The following FYCO1 variants were observed in gnomAD, a reference collection of about 807,000 sequenced individuals.
FYCO1 encodes the protein FYVE and coiled-coil domain-containing protein 1.
FYCO1 carries 122 observed loss-of-function variants against 165.1 expected under a neutral mutation model. The observed-to-expected ratio is 0.74, with a 90% CI of 0.64 to 0.86. The LOEUF (loss-of-function observed/expected upper bound fraction) is 0.86, where lower values mean the gene tolerates loss of function less well. FYCO1 is among the 40% of genes least tolerant of loss of function. The probability of loss-of-function intolerance (pLI) is 0.00; values close to 1 mark genes in which losing one functional copy is unlikely to be tolerated. For missense variants in FYCO1, 1,702 were observed against 1,810.3 expected, an observed-to-expected ratio of 0.94 and a Z score of 1.09; for synonymous variants, 648 against 742.5, an observed-to-expected ratio of 0.87 and a Z score of 2.07.
intron 1 of FYCO1, among the ~76,000 whole-genome samples, chr3:45,992,146 T>C (rs940129340): frequency 6.6e-6 from 1 of 152,226 alleles, no homozygotes; most frequent in African/African-American, 2.4e-5. Context: ...GGTATTTTGT[T>C]ATGGCAGCCC....
In FYCO1 at chr3:45,964,798, A is replaced by C. The variant is rs931620547; in HGVS notation, c.3150+235T>G. On this transcript the variant is annotated intron_variant, in intron 9 of 17. Coordinates refer to ENST00000296137, the MANE Select transcript of FYCO1 (RefSeq NM_024513.4). This position sits in a 1 kb window ranked among gnomAD's most constrained non-coding sequence, Gnocchi z 4.1. ...ATTTCAGAATCACTGGCTGGCGATCACCCATAGAGATGGCCAAAGAGGACA... is the reference window on the plus strand; with the variant it reads ...ATTTCAGAATCACTGGCTGGCGATCCCCCATAGAGATGGCCAAAGAGGACA... Among the ~76,000 whole-genome samples, 4 of 152,170 alleles carry C rather than the reference A, an allele frequency of 2.6e-5. No individual in the cohort carries two copies. Among genetic ancestry groups the C allele is most frequent in the Non-Finnish European group, 5.9e-5 (4 of 68,030 alleles).
At chr3:45,981,068 T>C (rs905170601) in intron 3 of FYCO1, among the ~76,000 whole-genome samples, 1 of 152,092 alleles carries the variant, frequency 6.6e-6, no homozygotes, top group Non-Finnish European at 1.5e-5. Context: ...ACAAATAAGC[T>C]CCCAGAGGAT....
intron 17 of FYCO1, 100 bp from the exon 18 acceptor site, chr3:45,921,940 G>C: frequency 5.2e-6 from 4 of 772,480 alleles, no homozygotes; most frequent in Non-Finnish European, 9.4e-6. Flanking sequence ...GCAGTGACCT[G>C]GCTGGGTGTG....
In FYCO1 at chr3:45,967,243, C is replaced by T; in HGVS notation, c.2091G>A (p.Glu697=). 1 of 1,614,140 alleles carries T rather than the reference C, an allele frequency of 6.2e-7. No individual in the cohort carries two copies. Among genetic ancestry groups the T allele is most frequent in the East Asian group, 2.2e-5 (1 of 44,880 alleles). The change falls in exon 8 of 18, where the codon GAG becomes GAA. Residue 697 remains glutamate (E), a synonymous_variant. Coordinates refer to ENST00000296137, the MANE Select transcript of FYCO1 (RefSeq NM_024513.4). ...AKEAMKAQMA[E]KEAILQSKEG... Reference sequence around the variant, plus strand: ...CCTTGCTCTGTAGAATGGCCTCCTTCTCTGCCATCTGGGCTTTCATGGCCT... The same window carrying T: ...CCTTGCTCTGTAGAATGGCCTCCTTTTCTGCCATCTGGGCTTTCATGGCCT...
At chr3:45,992,557 C>G (rs1422221719) in intron 1 of FYCO1, among the ~76,000 whole-genome samples, 1 of 152,192 alleles carries the variant, frequency 6.6e-6, no homozygotes, top group Non-Finnish European at 1.5e-5. Flanking sequence ...GTATATTTAG[C>G]TTACTCAACT....
rs181103687 is a variant in FYCO1, at chr3:45,968,783, G to A, written c.631-80C>T. 150 of 1,551,264 alleles carry A rather than the reference G, an allele frequency of 9.7e-5. No individual in the cohort carries two copies. The African/African-American group carries it at 1.7e-3, about 18-fold the overall frequency. The stretch of plus-strand genomic sequence containing the variant: ...TTAGAAAAGCTTTAGAGTTTAATGA[G>A]AGCAGAGGTAAAAATACAGGCATTA... On this transcript the variant is annotated intron_variant, in intron 7 of 17. Transcript: ENST00000296137.
chr3:45,954,020 A>G (rs1346346861), intron 14 of FYCO1, among the ~76,000 whole-genome samples: 1 of 152,180 alleles, frequency 6.6e-6, no homozygotes, highest in African/African-American at 2.4e-5. Context: ...AGCCAATCCA[A>G]TCACCAAACT....
rs1235189519 is a variant in FYCO1 at position 45,918,658 on chromosome 3, C to T, written c.*3107G>A. On this transcript the variant is annotated 3_prime_UTR_variant, in exon 18 of 18. Coordinates refer to ENST00000296137, the MANE Select transcript of FYCO1 (RefSeq NM_024513.4). ...AAAACACAGGCTCTGTGATTTCATC[C>T]CCAACTGGCGATTTCCTTTCATTTG... 6.6e-6 allele frequency: 1 copy of T among 152,170 alleles called. No individual in the cohort carries two copies. Among genetic ancestry groups the T allele is most frequent in the Admixed American group, 6.5e-5 (1 of 15,286 alleles). The allele number at this position is 152,170 out of a possible 1,614,324, so 9.4% of individuals were successfully genotyped here.
intron 13 of FYCO1, among the ~76,000 whole-genome samples, chr3:45,956,918 A>G (rs1015709389): frequency 3.9e-5 from 6 of 152,234 alleles, no homozygotes; most frequent in Non-Finnish European, 8.8e-5. Context: ...TAGAAAAACA[A>G]AAAACCTAGA....
chr3:45,942,840 C>T (rs1575341473), intron 14 of FYCO1, among the ~76,000 whole-genome samples: 2 of 152,174 alleles, frequency 1.3e-5, no homozygotes, highest in African/African-American at 4.8e-5. Flanking sequence ...TGCTGAGTGC[C>T]TGAGTGGTGT....
chr3:45,961,362 T>C (rs1349350308), intron 11 of FYCO1, among the ~76,000 whole-genome samples: 2 of 152,156 alleles, frequency 1.3e-5, no homozygotes, highest in African/African-American at 4.8e-5. Flanking sequence ...GCAAATCATT[T>C]GGGGCCAGGA....
intron 14 of FYCO1, chr3:45,938,352 T>C: frequency 1.6e-6 from 1 of 607,194 alleles, no homozygotes; most frequent in Non-Finnish European, 2.7e-6. Flanking sequence ...TTTCAAACTG[T>C]AGGTCATGAC....
At chr3:45,958,760 C>A in intron 12 of FYCO1, 141 bp from the exon 13 acceptor site, 1 of 785,468 alleles carries the variant, frequency 1.3e-6, no homozygotes. Context: ...TGGCCATGAG[C>A]TCATTTCATA....
intron 16 of FYCO1, among the ~76,000 whole-genome samples, chr3:45,926,781 A>G (rs748221714): frequency 2.0e-5 from 3 of 152,244 alleles, no homozygotes; most frequent in East Asian, 1.9e-4. Context: ...CCTGGCCAAC[A>G]TAGCAAAACC....
chr3:45,952,122 C>T (rs1705067214), intron 14 of FYCO1, among the ~76,000 whole-genome samples: 1 of 152,174 alleles, frequency 6.6e-6, no homozygotes. Flanking sequence ...TTTCCACTCC[C>T]TGATGGGCTG....
At chr3:45,975,148 G>A (rs1262936085) in intron 5 of FYCO1, 91 bp downstream of exon 5, 1 of 878,884 alleles carries the variant, frequency 1.1e-6, no homozygotes, top group South Asian at 1.3e-5. Flanking sequence ...ACACAAATGA[G>A]CACTACTGTT....
At position 45,962,044 on chromosome 3, in the gene FYCO1, C is replaced by T. The variant is rs527884351; in HGVS notation, c.3437+181G>A. On this transcript the variant is annotated intron_variant, in intron 11 of 17. Coordinates refer to ENST00000296137, the MANE Select transcript of FYCO1 (RefSeq NM_024513.4). The surrounding 1 kb of genome is among the most constrained non-coding windows in gnomAD (Gnocchi z 4.4). Reference sequence around the variant, plus strand: ...GTATCAGCTGCCTGGTACCTGCAGGCGCTGGAGTTTGGGACTCTAGTACTG... The same window carrying T: ...GTATCAGCTGCCTGGTACCTGCAGGTGCTGGAGTTTGGGACTCTAGTACTG... Among the ~76,000 whole-genome samples, 4 of 152,252 alleles carry T rather than the reference C, an allele frequency of 2.6e-5. No individual in the cohort carries two copies. In the East Asian group the frequency reaches 5.8e-4, roughly 22 times the overall value.
chr3:45,991,354 A>G (rs1707552353), intron 1 of FYCO1, among the ~76,000 whole-genome samples: 1 of 152,164 alleles, frequency 6.6e-6, no homozygotes, highest in Non-Finnish European at 1.5e-5. Flanking sequence ...AGCTCAGGTG[A>G]CTGCTGTCAG....
chr3:45,962,328 C>T lies in FYCO1; in HGVS notation c.3334G>A (p.Glu1112Lys). ...IQEYYNKLCQ[E>K]VTNRERNDQK... The stretch of plus-strand genomic sequence containing the variant: ...TCATTCCTCTCACGATTTGTCACCT[C>T]CTGGCAGAGTTTGTTGTAATACTCT... The change falls in exon 11 of 18, where the codon GAG (glutamate) becomes AAG (lysine). Residue 1112 changes from glutamate to lysine, a missense_variant. Transcript: ENST00000296137. The surrounding 1 kb of genome is among the most constrained non-coding windows in gnomAD (Gnocchi z 4.4). 1 of 1,614,144 alleles carries T rather than the reference C, an allele frequency of 6.2e-7. No homozygotes were observed. Among genetic ancestry groups the T allele is most frequent in the African/African-American group, 1.3e-5 (1 of 75,036 alleles).
Sources: allele counts gnomAD v4.1 joint callset (sites outside exome capture counted in the v4.1 genomes callset), GRCh38; gene constraint gnomAD v4.1.1; non-coding constraint Gnocchi (gnomAD v3.1); transcripts MANE v1.5; gene names NCBI Gene and HGNC (gene_info 2026-07-23, HGNC 2026-07-21).